Variants in EPM2A observed in about 807,000 individuals in gnomAD.
EPM2A encodes the protein laforin.
EPM2A carries 21 observed loss-of-function variants against 26.5 expected under a neutral mutation model. That is an observed-to-expected ratio of 0.79 (90% CI 0.56 to 1.14). The LOEUF is 1.14. EPM2A is among the 50% of genes most tolerant of loss of function. The pLI is 0.00. For missense variants in EPM2A, 458 were observed against 440.8 expected (o/e 1.04, Z -0.35); for synonymous variants, 217 against 177.6 (o/e 1.22, Z -1.76).
chr6:145,459,699 C>CATACTATACTATACTATACT (rs59239067), intron 4 of EPM2A, among the ~76,000 whole-genome samples: 58 of 151,324 alleles, frequency 3.8e-4, no homozygotes, highest in African/African-American at 1.4e-3. Context: ...CTTCTTTTAG[C>CATACTATACTATACTATACT]ATACTATACT....
intron 2 of EPM2A, among the ~76,000 whole-genome samples, chr6:145,509,282 T>G (rs1407210097): frequency 1.3e-5 from 2 of 152,068 alleles, no homozygotes; most frequent in Non-Finnish European, 1.5e-5. Context: ...CCAAGGTACA[T>G]AGTCATCAGA....
At chr6:145,450,796 A>C (rs963316882) in intron 4 of EPM2A, among the ~76,000 whole-genome samples, 1 of 152,224 alleles carries the variant, frequency 6.6e-6, no homozygotes, top group East Asian at 1.9e-4. Context: ...TCTCTAGGGT[A>C]GTAAGCTGGA....
Position 145,626,835 on chromosome 6 carries a change from G to A in EPM2A, c.*581C>T, listed in dbSNP as rs1366223845. 6 of 987,978 alleles carry A rather than the reference G, an allele frequency of 6.1e-6. No homozygotes were observed. Among genetic ancestry groups the A allele is most frequent in the Non-Finnish European group, 7.2e-6 (6 of 831,628 alleles). The allele number at this position is 987,978 out of a possible 1,614,324, so 61.2% of individuals were successfully genotyped here. A position where few individuals can be genotyped will look rare whatever the true frequency, so the allele number is the denominator to read the frequency against. ...AGTTGTTACACAGGGTTGTTGGGTA[G>A]AGAAGGAAGGTGATGCCTTGGAACA... On this transcript the variant is annotated 3_prime_UTR_variant, in exon 4 of 4. Coordinates refer to ENST00000367519, the MANE Select transcript of EPM2A (RefSeq NM_005670.4).
intron 1 of EPM2A, among the ~76,000 whole-genome samples, chr6:145,708,224 G>C (rs1424210457): frequency 2.0e-5 from 3 of 152,174 alleles, no homozygotes; most frequent in African/African-American, 7.2e-5. Context: ...TGATGCAATA[G>C]AAAAGAAAAA....
chr6:145,596,877 C>CTTTTTTT (rs869211299), intron 2 of EPM2A, among the ~76,000 whole-genome samples: 2 of 73,526 alleles, frequency 2.7e-5, no homozygotes, highest in African/African-American at 1.2e-4. Flanking sequence ...TCTCCGAGAT[C>CTTTTTTT]TTTTTTTTTT....
chr6:145,512,871 G>T (rs1309696245), intron 2 of EPM2A, among the ~76,000 whole-genome samples: 1 of 151,880 alleles, frequency 6.6e-6, no homozygotes, highest in Non-Finnish European at 1.5e-5. Flanking sequence ...ACATGCAGAA[G>T]AATAAAACTG....
intron 4 of EPM2A, among the ~76,000 whole-genome samples, chr6:145,434,709 C>T (rs1427524942): frequency 6.6e-6 from 1 of 152,180 alleles, no homozygotes; most frequent in African/African-American, 2.4e-5. Flanking sequence ...AACACCACCA[C>T]TATCTAATGC....
At chr6:145,481,639 C>T (rs1202888577) in intron 4 of EPM2A, among the ~76,000 whole-genome samples, 1 of 152,042 alleles carries the variant, frequency 6.6e-6, no homozygotes, top group Admixed American at 6.6e-5. Flanking sequence ...TCAGGAGAGA[C>T]CCTGACCCAG....
intron 4 of EPM2A, among the ~76,000 whole-genome samples, chr6:145,489,441 A>G (rs2114740115): frequency 6.6e-6 from 1 of 152,244 alleles, no homozygotes; most frequent in East Asian, 1.9e-4. Context: ...CCCTTAATTT[A>G]TGGAACAGAT....
chr6:145,673,893 AC>A, intron 2 of EPM2A, among the ~76,000 whole-genome samples: 1 of 152,220 alleles, frequency 6.6e-6, no homozygotes, highest in East Asian at 1.9e-4. Context: ...GCAGACTTAA[AC>A]ATCCCTGTCT....
intron 4 of EPM2A, among the ~76,000 whole-genome samples, chr6:145,425,631 C>CA (rs35954002): frequency 7.7e-4 from 106 of 137,164 alleles, no homozygotes; most frequent in South Asian, 2.1e-3. Context: ...TTGAGAATGG[C>CA]AAAAAAAAAA....
downstream of EPM2A, among the ~76,000 whole-genome samples, chr6:145,624,403 C>T (rs1269527709): frequency 6.6e-6 from 1 of 152,190 alleles, no homozygotes; most frequent in Non-Finnish European, 1.5e-5. Flanking sequence ...CCTCTTACTA[C>T]AATTTTTATT....
rs1351246581 is a variant in EPM2A at position 145,696,441 on chromosome 6, CATAAA to C, written c.302-10150_302-10146del. Among the ~76,000 whole-genome samples the C allele has an allele frequency of 2.6e-5, 4 of 152,244 alleles. No individual in the cohort carries two copies. In the South Asian group the frequency reaches 8.3e-4, roughly 32 times the overall value. The stretch of plus-strand genomic sequence containing the variant: ...TATAAATTTCAAAGGTTTCTCTCCA[CATAAA>C]ATAAGTGAAGTGATATGTGTTAATT... On this transcript the variant is annotated intron_variant, in intron 1 of 3. Coordinates refer to ENST00000367519, the MANE Select transcript of EPM2A (RefSeq NM_005670.4).
At chr6:145,495,242 C>T (rs934017822) in intron 4 of EPM2A, among the ~76,000 whole-genome samples, 4 of 151,382 alleles carry the variant, frequency 2.6e-5, no homozygotes, top group Admixed American at 6.6e-5. Flanking sequence ...TATGTAATGC[C>T]CTTCTTTTTT....
At chr6:145,521,763 G>A (rs1016578667) in intron 2 of EPM2A, among the ~76,000 whole-genome samples, 2 of 152,192 alleles carry the variant, frequency 1.3e-5, no homozygotes, top group Admixed American at 6.5e-5. Context: ...AATATAGGAA[G>A]TAGTGGTTGG....
intron 2 of EPM2A, among the ~76,000 whole-genome samples, chr6:145,520,028 G>A (rs1183626881): frequency 6.6e-6 from 1 of 152,008 alleles, no homozygotes; most frequent in Non-Finnish European, 1.5e-5. Context: ...CATCCTTTAA[G>A]ATTAGTTTTC....
intron 4 of EPM2A, among the ~76,000 whole-genome samples, chr6:145,438,524 A>G (rs1779018905): frequency 1.5e-5 from 2 of 135,598 alleles, no homozygotes; most frequent in Admixed American, 8.4e-5. Context: ...CCCAGGCTGG[A>G]GTGCAGTGTC....
chr6:145,384,022 G>C (rs1414233951), exon 5 of EPM2A: 2 of 151,842 alleles, frequency 1.3e-5, no homozygotes, highest in Non-Finnish European at 2.9e-5. Flanking sequence ...TGAGGTTGCT[G>C]TTCATAATAT....
At chr6:145,637,623 A>G (rs1320237097) in intron 2 of EPM2A, 3 of 152,332 alleles carry the variant, frequency 2.0e-5, no homozygotes, top group Non-Finnish European at 2.9e-5. Context: ...GAGGCATGAA[A>G]TCCAAGGCCT....
Sources: gnomAD v4.1 joint callset for allele counts (sites outside exome capture counted in the v4.1 genomes callset) on GRCh38, gnomAD v4.1.1 for gene constraint, MANE v1.5 for transcripts, NCBI Gene and HGNC (gene_info 2026-07-23, HGNC 2026-07-21) for gene names.